Variants in CSPP1 observed in about 807,000 individuals in gnomAD.
CSPP1 encodes the protein centrosome and spindle pole associated protein 1.
Under a neutral mutation model 164.4 loss-of-function variants are expected in CSPP1, and 126 were observed. The ratio of observed to expected loss-of-function variants is 0.77; its 90% CI spans 0.66 to 0.89. The LOEUF (loss-of-function observed/expected upper bound fraction) is 0.89. Ranked by LOEUF, CSPP1 falls within the 40% of genes least tolerant of loss-of-function variation. The pLI is 0.00. For synonymous variants in CSPP1, 472 were observed against 476.7 expected, an observed-to-expected ratio of 0.99 and a Z score of 0.13; for missense variants, 1,395 against 1,449.8, an observed-to-expected ratio of 0.96 and a Z score of 0.61.
chr8:67,153,605 A>G (rs1281945399), intron 18 of CSPP1, among the ~76,000 whole-genome samples: 1 of 152,114 alleles, frequency 6.6e-6, no homozygotes, highest in African/African-American at 2.4e-5. Flanking sequence ...CGGTTTTAGA[A>G]AATTTTAAAT....
At chr8:67,115,858 T>G in intron 12 of CSPP1, 56 bp from the exon 13 acceptor site, 3 of 1,408,182 alleles carry the variant, frequency 2.1e-6, no homozygotes, top group Middle Eastern at 2.0e-4. Context: ...TGAGGTCCCT[T>G]CCACCTTTAA....
chr8:67,190,661 G>C lies in CSPP1; in HGVS notation c.3232G>C (p.Glu1078Gln), dbSNP rs778230894. 5.0e-6 allele frequency: 8 copies of C among 1,613,968 alleles called. No homozygotes were observed. The Admixed American group carries it at 1.2e-4, about 24-fold the overall frequency. ...CGGGGTCCTCTTAGGGGCTTACGGT[G>C]AGACATATCCTGCCATTGAAGATGA... ...SDSAFIGAYG[E>Q]TYPAIEDDVL... The change falls in exon 29 of 31, where the codon GAG becomes CAG. Residue 1078 changes from glutamate to glutamine, a missense_variant. Physicochemically the swap from Glu to Gln is conservative, Grantham distance 29 (BLOSUM62 2). Transcript: ENST00000678616.
At chr8:67,069,644 CT>C (rs1315708747) in intron 1 of CSPP1, among the ~76,000 whole-genome samples, 1 of 147,574 alleles carries the variant, frequency 6.8e-6, no homozygotes, top group African/African-American at 2.5e-5. Context: ...AATGACATTT[CT>C]TTTTTTTCTT....
chr8:67,086,058 A>C lies in CSPP1; in HGVS notation c.251A>C (p.Lys84Thr), dbSNP rs1323272579. Residue 84 changes from lysine (K) to threonine (T), a missense_variant, in exon 4 of 31, where the codon AAA becomes ACA. By Grantham distance (78) the Lys-to-Thr change is moderately conservative (BLOSUM62 -1). Transcript: ENST00000678616. ...LPLGEDYERKKHKLKEELRQD... is the reference protein window; with the variant it reads ...LPLGEDYERKTHKLKEELRQD... Reference sequence around the variant, plus strand: ...CTTGGAGAAGACTATGAACGGAAGAAACATAAATTAAAAGAAGAATTGCGG... The same window carrying C: ...CTTGGAGAAGACTATGAACGGAAGACACATAAATTAAAAGAAGAATTGCGG... The C allele has an allele frequency of 2.0e-6, 3 of 1,532,478 alleles. No homozygotes were observed. The East Asian group carries it at 6.8e-5, about 35-fold the overall frequency. 94.9% of individuals were successfully genotyped at this position (1,532,478 alleles called of 1,614,324 possible).
intron 15 of CSPP1, among the ~76,000 whole-genome samples, chr8:67,120,895 C>T (rs1416239366): frequency 1.3e-5 from 2 of 151,486 alleles, no homozygotes; most frequent in East Asian, 1.9e-4. Context: ...ACCCTGTCAC[C>T]CAGGCTGGAG....
chr8:67,195,668 A>T lies in CSPP1; in HGVS notation c.*75A>T. ...TAAATCTGTACCTTTAATATGTCCT[A>T]CTTTTGGCCCCTACCTGAAAGTTAC... On this transcript the variant is annotated 3_prime_UTR_variant, in exon 31 of 31. Coordinates refer to ENST00000678616, the MANE Select transcript of CSPP1 (RefSeq NM_001382391.1). 1 of 1,314,122 alleles carries T rather than the reference A, an allele frequency of 7.6e-7. No homozygotes were observed. Among genetic ancestry groups the T allele is most frequent in the Non-Finnish European group, 1.1e-6 (1 of 935,686 alleles). 81.4% of individuals were successfully genotyped at this position (1,314,122 alleles called of 1,614,324 possible).
intron 24 of CSPP1, among the ~76,000 whole-genome samples, chr8:67,171,844 G>A (rs1185268960): frequency 6.6e-6 from 1 of 150,428 alleles, no homozygotes; most frequent in Non-Finnish European, 1.5e-5. Context: ...CACCATGCCT[G>A]GCCAACTTTT....
At chr8:67,094,418 T>C (rs893326253) in intron 6 of CSPP1, among the ~76,000 whole-genome samples, 42 of 151,076 alleles carry the variant, frequency 2.8e-4, no homozygotes, top group Admixed American at 1.2e-3. Flanking sequence ...GGATTACAGG[T>C]GCCTGCCACC....
Position 67,155,142 on chromosome 8 carries a change from TC to T in CSPP1, c.2241+1008del, listed in dbSNP as rs542185796. On this transcript the variant is annotated intron_variant, in intron 19 of 30. Transcript: ENST00000678616. Reference sequence around the variant, plus strand: ...CATACTGGGGGTACCCTGGGCTGAGTCCTAGGGATGGAGCCTGAGATGAATG... The same window carrying T: ...CATACTGGGGGTACCCTGGGCTGAGTCTAGGGATGGAGCCTGAGATGAATG... Among the ~76,000 whole-genome samples, 15 of 152,208 alleles carry T rather than the reference TC, an allele frequency of 9.9e-5. No homozygotes were observed. In the East Asian group the frequency reaches 2.9e-3, roughly 29 times the overall value.
intron 19 of CSPP1, among the ~76,000 whole-genome samples, chr8:67,154,556 C>T (rs540430970): frequency 8.4e-4 from 128 of 151,750 alleles, no homozygotes; most frequent in Middle Eastern, 6.8e-3. Flanking sequence ...TTAGTGGAGA[C>T]AGGGTTTCAC....
chr8:67,160,145 G>C (rs1454514033), intron 21 of CSPP1, among the ~76,000 whole-genome samples: 2 of 148,710 alleles, frequency 1.3e-5, no homozygotes, highest in Non-Finnish European at 3.0e-5. Flanking sequence ...GCCTCCCAAA[G>C]TGGTGGGATT....
chr8:67,119,773 A>G lies in CSPP1; in HGVS notation c.1697+952A>G, dbSNP rs116967315. Among the ~76,000 whole-genome samples the G allele has an allele frequency of 2.7e-3, 411 of 152,220 alleles. 2 individuals carry two copies. The highest frequency in any genetic ancestry group is 4.3e-3 in the Non-Finnish European group (292 of 67,982). ...TGTTGTTGAGTTTTCAGAGTCCTCCATATATCCTGGTTATTAATTCTGTAT... is the reference window on the plus strand; with the variant it reads ...TGTTGTTGAGTTTTCAGAGTCCTCCGTATATCCTGGTTATTAATTCTGTAT... On this transcript the variant is annotated intron_variant, in intron 15 of 30. Transcript: ENST00000678616.
chr8:67,087,875 G>A (rs903218945), intron 4 of CSPP1, among the ~76,000 whole-genome samples: 5 of 152,206 alleles, frequency 3.3e-5, no homozygotes, highest in Middle Eastern at 3.2e-3. Flanking sequence ...CTCTCATTGT[G>A]TTAAATTGCT....
intron 19 of CSPP1, among the ~76,000 whole-genome samples, chr8:67,156,603 A>C (rs1465265886): frequency 1.3e-5 from 2 of 152,200 alleles, no homozygotes; most frequent in Admixed American, 6.5e-5. Context: ...ATTTATTATT[A>C]CTGTCAACAA....
At chr8:67,069,842 T>C (rs1806347524) in intron 1 of CSPP1, among the ~76,000 whole-genome samples, 1 of 151,960 alleles carries the variant, frequency 6.6e-6, no homozygotes, top group African/African-American at 2.4e-5. Context: ...GTATTTTTAG[T>C]AGAGACGGGG....
chr8:67,066,625 G>A (rs926471708), intron 1 of CSPP1, among the ~76,000 whole-genome samples: 2 of 151,878 alleles, frequency 1.3e-5, no homozygotes, highest in Admixed American at 6.6e-5. Flanking sequence ...CGTATCTCCG[G>A]TGTATCCATT....
chr8:67,194,785 G>A (rs1040410545), intron 30 of CSPP1, among the ~76,000 whole-genome samples: 2 of 151,930 alleles, frequency 1.3e-5, no homozygotes, highest in African/African-American at 2.4e-5. Flanking sequence ...GATAGAAGTT[G>A]CGTACAATCA....
At chr8:67,074,740 T>G (rs1286085045) in intron 2 of CSPP1, 1 of 268,968 alleles carries the variant, frequency 3.7e-6, no homozygotes, top group Non-Finnish European at 7.2e-6. Flanking sequence ...TATTAATTTA[T>G]TTTGTACTAT....
At chr8:67,107,343 C>T (rs1475103600) in intron 9 of CSPP1, among the ~76,000 whole-genome samples, 3 of 152,122 alleles carry the variant, frequency 2.0e-5, no homozygotes, top group East Asian at 1.9e-4. Flanking sequence ...CCACTGTTCC[C>T]GGCCGATGTA....
Sources: gnomAD v4.1 joint callset for allele counts (sites outside exome capture counted in the v4.1 genomes callset) on GRCh38, gnomAD v4.1.1 for gene constraint, MANE v1.5 for transcripts, NCBI Gene and HGNC (gene_info 2026-07-23, HGNC 2026-07-21) for gene names.